The following PDE4D variants were observed in gnomAD, a reference collection of about 807,000 sequenced individuals.
The protein encoded by PDE4D is 3',5'-cyclic-AMP phosphodiesterase 4D.
Under a neutral mutation model 87.4 loss-of-function variants are expected in PDE4D, and 24 were observed. That is an observed-to-expected ratio of 0.27 (90% CI 0.20 to 0.39). The LOEUF (loss-of-function observed/expected upper bound fraction) is 0.39. Among genes scored for constraint, PDE4D ranks in the 10% least tolerant of loss-of-function variants. The pLI is 1.00. For missense variants in PDE4D, 714 were observed against 1,041.0 expected, an observed-to-expected ratio of 0.69 and a Z score of 4.32; for synonymous variants, 384 against 383.2, an observed-to-expected ratio of 1.00 and a Z score of -0.02.
intron 1 of PDE4D, among the ~76,000 whole-genome samples, chr5:59,359,943 C>T (rs1781949857): frequency 6.6e-6 from 1 of 152,134 alleles, no homozygotes. Flanking sequence ...TAAGTCCTAA[C>T]CCCACTAAAG....
chr5:59,402,755 C>G (rs1356111840), intron 1 of PDE4D, among the ~76,000 whole-genome samples: 1 of 152,004 alleles, frequency 6.6e-6, no homozygotes, highest in Non-Finnish European at 1.5e-5. Context: ...TTTGTGCCAC[C>G]CTCTTCATAA....
intron 5 of PDE4D, among the ~76,000 whole-genome samples, chr5:59,157,624 A>T (rs1780446832): frequency 6.6e-6 from 1 of 152,220 alleles, no homozygotes. Flanking sequence ...TGTACAAATG[A>T]GAAGAATGTA....
chr5:60,209,264 T>C (rs569369987), intron 1 of PDE4D, among the ~76,000 whole-genome samples: 1 of 149,620 alleles, frequency 6.7e-6, no homozygotes, highest in East Asian at 2.0e-4. Context: ...AGAACCCTTA[T>C]ACTTTAGGAA....
chr5:59,589,054 C>T (rs1322878784), intron 1 of PDE4D, among the ~76,000 whole-genome samples: 1 of 152,172 alleles, frequency 6.6e-6, no homozygotes, highest in Non-Finnish European at 1.5e-5. Context: ...CCCATTTAAT[C>T]CACACAACAG....
intron 1 of PDE4D, among the ~76,000 whole-genome samples, chr5:60,206,954 T>TAA (rs1742607919): frequency 6.6e-6 from 1 of 152,228 alleles, no homozygotes; most frequent in Non-Finnish European, 1.5e-5. Context: ...GTGGTACACC[T>TAA]GATAAGTTCA....
intron 3 of PDE4D, among the ~76,000 whole-genome samples, chr5:59,961,197 G>C (rs1466718660): frequency 1.3e-5 from 2 of 151,676 alleles, no homozygotes; most frequent in Non-Finnish European, 2.9e-5. Context: ...AAGATTTTGA[G>C]ATAAGATCAC....
intron 1 of PDE4D, among the ~76,000 whole-genome samples, chr5:60,469,319 T>G (rs1252967338): frequency 1.3e-5 from 2 of 152,182 alleles, no homozygotes; most frequent in Non-Finnish European, 2.9e-5. Flanking sequence ...CCTCTCTGAC[T>G]GCTCCTACCC....
intron 1 of PDE4D, among the ~76,000 whole-genome samples, chr5:59,552,822 AT>A (rs769957436): frequency 1.4e-4 from 21 of 152,316 alleles, no homozygotes; most frequent in Admixed American, 2.6e-4. Flanking sequence ...AAAATGCAAG[AT>A]TCAATTTACC....
intron 1 of PDE4D, among the ~76,000 whole-genome samples, chr5:59,598,770 A>G (rs145848892): frequency 7.2e-6 from 1 of 138,926 alleles, no homozygotes; most frequent in African/African-American, 2.5e-5. Context: ...ACTAGGACAG[A>G]AGGACATTAC....
intron 2 of PDE4D, among the ~76,000 whole-genome samples, chr5:60,119,351 T>C (rs981109788): frequency 6.6e-6 from 1 of 152,218 alleles, no homozygotes; most frequent in Admixed American, 6.5e-5. Context: ...AGCAAGTAAC[T>C]GTAAACCAAA....
rs1054545098 is a variant in PDE4D at position 59,900,656 on chromosome 5, T to C, written c.272+87832A>G. Among the ~76,000 whole-genome samples, 11 of 152,312 alleles carry C rather than the reference T, an allele frequency of 7.2e-5. No homozygotes were observed. The East Asian group carries it at 1.9e-3, about 27-fold the overall frequency. The stretch of plus-strand genomic sequence containing the variant: ...TGACAGATTTGTGAGACCTGAAGAA[T>C]GATTACTCAGTTGCTAAATGTCCAT... On this transcript the variant is annotated intron_variant, in intron 3 of 16. Coordinates refer to the PDE4D transcript ENST00000502484.
intron 1 of PDE4D, among the ~76,000 whole-genome samples, chr5:60,189,515 C>T (rs553827119): frequency 3.3e-5 from 5 of 152,158 alleles, no homozygotes; most frequent in Admixed American, 6.5e-5. Flanking sequence ...GAAAAATTTC[C>T]GGGGACTTTA....
chr5:59,106,891 G>C (rs991774086), intron 5 of PDE4D, among the ~76,000 whole-genome samples: 2 of 152,192 alleles, frequency 1.3e-5, no homozygotes, highest in African/African-American at 4.8e-5. Flanking sequence ...AAGATGTAAA[G>C]GGCAATTGTT....
chr5:59,238,440 T>G (rs1422852953), intron 1 of PDE4D, among the ~76,000 whole-genome samples: 1 of 152,194 alleles, frequency 6.6e-6, no homozygotes, highest in African/African-American at 2.4e-5. Context: ...GAAAACAAAG[T>G]AGGAGTGTGC....
intron 1 of PDE4D, among the ~76,000 whole-genome samples, chr5:60,390,808 C>G (rs1452364005): frequency 6.6e-6 from 1 of 152,154 alleles, no homozygotes; most frequent in African/African-American, 2.4e-5. Context: ...GTGCCAGGAA[C>G]CCTCTGCCCT....
intron 2 of PDE4D, among the ~76,000 whole-genome samples, chr5:60,057,307 G>A (rs1440976124): frequency 6.6e-6 from 1 of 152,006 alleles, no homozygotes; most frequent in Non-Finnish European, 1.5e-5. Flanking sequence ...ATATACAAAT[G>A]TTAGGATGTA....
At chr5:59,402,741 G>C (rs1790891427) in intron 1 of PDE4D, among the ~76,000 whole-genome samples, 1 of 152,080 alleles carries the variant, frequency 6.6e-6, no homozygotes, top group Non-Finnish European at 1.5e-5. Flanking sequence ...AGTTGCAGGA[G>C]TCTTTTGTGC....
intron 1 of PDE4D, among the ~76,000 whole-genome samples, chr5:59,380,744 A>T (rs1450273656): frequency 1.3e-5 from 2 of 152,244 alleles, no homozygotes; most frequent in East Asian, 3.9e-4. Context: ...CCAAGTGTTT[A>T]TCTGTATCTG....
At chr5:59,217,312 T>C (rs1385699625) in intron 1 of PDE4D, 1 of 454,862 alleles carries the variant, frequency 2.2e-6, no homozygotes. Context: ...TCATTAATAT[T>C]TTCCCCATTA....
Sources: allele counts gnomAD v4.1 joint callset (sites outside exome capture counted in the v4.1 genomes callset), GRCh38; gene constraint gnomAD v4.1.1; transcripts MANE v1.5; gene names NCBI Gene and HGNC (gene_info 2026-07-23, HGNC 2026-07-21).